CSNK1E: variants seen among roughly 807,000 people sequenced by gnomAD.
CSNK1E encodes the protein casein kinase 1 epsilon.
CSNK1E carries 17 observed loss-of-function variants against 46.1 expected under a neutral mutation model. The observed-to-expected ratio is 0.37, with a 90% CI of 0.25 to 0.55. The LOEUF is 0.55. Among genes scored for constraint, CSNK1E ranks in the 20% least tolerant of loss-of-function variants. The pLI is 0.82. For synonymous variants in CSNK1E, 241 were observed against 242.6 expected, an observed-to-expected ratio of 0.99 and a Z score of 0.06; for missense variants, 386 against 595.4, an observed-to-expected ratio of 0.65 and a Z score of 3.66.
intron 7 of CSNK1E, chr22:38,296,427 T>G: frequency 6.9e-7 from 1 of 1,443,382 alleles, no homozygotes; most frequent in Non-Finnish European, 9.1e-7. Flanking sequence ...CAACACAGGG[T>G]GTCCTGTCTA....
rs1335010246 is a variant in CSNK1E, at chr22:38,298,765, C to T, written c.885+21G>A. 6.2e-7 allele frequency: 1 copy of T among 1,613,646 alleles called. No individual in the cohort carries two copies. Among genetic ancestry groups the T allele is most frequent in the African/African-American group, 1.3e-5 (1 of 74,918 alleles). On this transcript the variant is annotated intron_variant, in intron 7 of 10. Transcript: ENST00000396832. The surrounding 1 kb of genome is among the most constrained non-coding windows in gnomAD (Gnocchi z 4.2). ...TCCCCATCCAGTCCCCCAAGCCCGC[C>T]TTGGCCTCCAGGTGACTCACGAATT...
chr22:38,316,822 G>A (rs2092748797), intron 1 of CSNK1E: 1 of 151,510 alleles, frequency 6.6e-6, no homozygotes. Context: ...AGCACCCCAA[G>A]CCCCCTCCCT....
rs1357237011 is a variant in CSNK1E at position 38,303,184 on chromosome 22, G to A, written c.141C>T (p.Pro47=). The A allele has an allele frequency of 1.2e-6, 2 of 1,610,712 alleles. No individual in the cohort carries two copies. The highest frequency in any genetic ancestry group is 2.2e-5 in the South Asian group (2 of 90,650). Residue 47 remains proline (P), a synonymous_variant, in exon 3 of 11, where the codon CCC becomes CCT. Transcript: ENST00000396832. This position sits in a 1 kb window ranked among gnomAD's most constrained non-coding sequence, Gnocchi z 4.7. ...AGAACTTGCTCTCGATGTGCAGCTG[G>A]GGGTGCTTTGTCTTCACACACTCCA... ...IKLECVKTKH[P]QLHIESKFYK...
chr22:38,305,967 G>C (rs544823939), intron 2 of CSNK1E, among the ~76,000 whole-genome samples: 1 of 152,296 alleles, frequency 6.6e-6, no homozygotes, highest in Non-Finnish European at 1.5e-5. Context: ...GCTGCAGGCT[G>C]TTTGGAACAG....
intron 2 of CSNK1E, among the ~76,000 whole-genome samples, chr22:38,306,185 T>A (rs11913824): frequency 6.6e-6 from 1 of 151,880 alleles, no homozygotes; most frequent in Non-Finnish European, 1.5e-5. Context: ...TTTAAAAAGG[T>A]GGGGAACTAA....
Position 38,299,883 on chromosome 22 carries a change from T to C in CSNK1E, c.736+12A>G. The C allele has an allele frequency of 8.1e-6, 13 of 1,611,016 alleles. No individual in the cohort carries two copies. The highest frequency in any genetic ancestry group is 1.1e-5 in the Non-Finnish European group (13 of 1,177,510). ...GGCCCCCAGGCATGTCCCCTCCCAC[T>C]GGGCTACTCACAGGGATAGCCTTTG... On this transcript the variant is annotated intron_variant, in intron 6 of 10. Transcript: ENST00000396832.
chr22:38,301,034 G>T, intron 4 of CSNK1E, 82 bp from the exon 5 acceptor site: 1 of 1,209,338 alleles, frequency 8.3e-7, no homozygotes, highest in Non-Finnish European at 1.2e-6. Context: ...GGCCACAGAG[G>T]TGGAAAGGCA....
intron 7 of CSNK1E, chr22:38,296,080 C>T: frequency 2.4e-6 from 2 of 822,894 alleles, no homozygotes; most frequent in Non-Finnish European, 2.9e-6. Flanking sequence ...AGCAGCCAAG[C>T]AGAGGGCTGG....
intron 6 of CSNK1E, 36 bp downstream of exon 6, chr22:38,299,859 G>GC: frequency 1.9e-6 from 3 of 1,603,310 alleles, no homozygotes; most frequent in Non-Finnish European, 1.7e-6. Flanking sequence ...TGCCTCAGGG[G>GC]CCCCCAGGCA....
intron 4 of CSNK1E, among the ~76,000 whole-genome samples, chr22:38,302,278 G>C (rs991883016): frequency 4.6e-5 from 7 of 151,954 alleles, no homozygotes; most frequent in African/African-American, 1.7e-4. Context: ...GGCCAAGATG[G>C]GAAGACTGCT....
intron 7 of CSNK1E, among the ~76,000 whole-genome samples, chr22:38,295,060 AG>A (rs2092632899): frequency 6.6e-6 from 1 of 152,190 alleles, no homozygotes; most frequent in Non-Finnish European, 1.5e-5. Context: ...GTACCTAGCC[AG>A]GGGCTCTTCT....
Position 38,293,092 on chromosome 22 carries a change from G to A in CSNK1E, c.*32+163C>T, listed in dbSNP as rs193294065. 894 of 642,184 alleles carry A rather than the reference G, an allele frequency of 1.4e-3. 7 individuals carry two copies. The African/African-American group carries it at 0.014, about 10-fold the overall frequency. 39.8% of individuals were successfully genotyped at this position (642,184 alleles called of 1,614,324 possible). On this transcript the variant is annotated intron_variant, in intron 10 of 10. Coordinates refer to ENST00000396832, the MANE Select transcript of CSNK1E (RefSeq NM_152221.3). ...CTTGGCCCCAAGTCAGGCAGCCTCC[G>A]AGGTTTTAAACTACTTGAGGCCCCT...
intron 2 of CSNK1E, among the ~76,000 whole-genome samples, chr22:38,311,518 G>T (rs1602562026): frequency 6.6e-6 from 1 of 152,158 alleles, no homozygotes; most frequent in Admixed American, 6.5e-5. Context: ...CGGGACCTGG[G>T]ATGGGCGCTG....
upstream of CSNK1E, chr22:38,317,555 G>C (rs1034332260): frequency 1.3e-5 from 2 of 152,914 alleles, no homozygotes; most frequent in Admixed American, 1.3e-4. Context: ...GGGGGCCGCA[G>C]CTGCGAGACG....
chr22:38,317,682 G>T (rs944434696), upstream of CSNK1E, among the ~76,000 whole-genome samples: 4 of 151,862 alleles, frequency 2.6e-5, no homozygotes, highest in South Asian at 2.1e-4. Flanking sequence ...GTGCGGGGGG[G>T]ACAGAGGGAA....
At position 38,293,332 on chromosome 22, in the gene CSNK1E, G is replaced by A. The variant is rs1383437802; in HGVS notation, c.1219-13C>T. The A allele has an allele frequency of 2.5e-6, 4 of 1,589,954 alleles. No homozygotes were observed. Among genetic ancestry groups the A allele is most frequent in the Admixed American group, 3.4e-5 (2 of 59,616 alleles). ...ATGGCACACTTGTCTTTTGAGGGTG[G>A]GGAGGGAGAGAGGGGGAGGGAGAGA... On this transcript the variant is annotated splice_polypyrimidine_tract_variant and intron_variant, in intron 9 of 10. Transcript: ENST00000396832.
intron 2 of CSNK1E, among the ~76,000 whole-genome samples, chr22:38,307,859 C>A (rs1169721636): frequency 6.6e-6 from 1 of 152,192 alleles, no homozygotes; most frequent in Non-Finnish European, 1.5e-5. Context: ...CCACACCTGG[C>A]TAATTTTTGT....
intron 1 of CSNK1E, among the ~76,000 whole-genome samples, chr22:38,316,491 C>T (rs2092746659): frequency 6.6e-6 from 1 of 152,344 alleles, no homozygotes; most frequent in Non-Finnish European, 1.5e-5. Flanking sequence ...TTAACAAGAG[C>T]TTGGGAATCC....
chr22:38,311,060 C>T (rs1188963486), intron 2 of CSNK1E, among the ~76,000 whole-genome samples: 2 of 152,148 alleles, frequency 1.3e-5, no homozygotes, highest in Non-Finnish European at 2.9e-5. Flanking sequence ...GAGTCTGACT[C>T]GCCTCCCCAG....
Sources: gnomAD v4.1 joint callset for allele counts (sites outside exome capture counted in the v4.1 genomes callset) on GRCh38, gnomAD v4.1.1 for gene constraint, Gnocchi (gnomAD v3.1) non-coding constraint, MANE v1.5 for transcripts, NCBI Gene and HGNC (gene_info 2026-07-23, HGNC 2026-07-21) for gene names.